Variants in BTC observed in about 807,000 individuals in gnomAD.
The protein encoded by BTC is probetacellulin.
A neutral mutation model predicts 18.1 loss-of-function variants in BTC; 13 were observed. That is an observed-to-expected ratio of 0.72 (90% CI 0.47 to 1.14). BTC has a LOEUF of 1.14. BTC is among the 50% of genes most tolerant of loss of function. The pLI, the probability that BTC is intolerant of heterozygous loss-of-function variation, is 0.00. For missense variants in BTC, 247 were observed against 224.2 expected (o/e 1.10, Z -0.65); for synonymous variants, 83 against 79.4 (o/e 1.05, Z -0.24).
intron 1 of BTC, among the ~76,000 whole-genome samples, chr4:74,791,653 C>A (rs971451991): frequency 1.3e-5 from 2 of 152,126 alleles, no homozygotes; most frequent in Non-Finnish European, 2.9e-5. Flanking sequence ...AAAGTAGTAC[C>A]TAATTTGCAT....
chr4:74,777,130 T>C lies in BTC; in HGVS notation c.65-6974A>G, dbSNP rs116709271. On this transcript the variant is annotated intron_variant, in intron 1 of 5. Coordinates refer to ENST00000395743, the MANE Select transcript of BTC (RefSeq NM_001729.4). ...AGGCAGCTTTAGGGTCAGATGGAGC[T>C]GTTTTTGAATCCTAGATCTACCTTT... Among the ~76,000 whole-genome samples, 597 of 152,288 alleles carry C rather than the reference T, an allele frequency of 3.9e-3. 6 individuals carry two copies. Among genetic ancestry groups the C allele is most frequent in the African/African-American group, 0.014 (567 of 41,560 alleles).
At chr4:74,782,689 A>G (rs146134644) in intron 1 of BTC, among the ~76,000 whole-genome samples, 132 of 152,260 alleles carry the variant, frequency 8.7e-4, no homozygotes, top group African/African-American at 3.0e-3. Context: ...GTCTTCCACA[A>G]TGGTTAAACC....
chr4:74,755,808 C>T (rs781950020), intron 3 of BTC, 51 bp downstream of exon 3: 19 of 1,521,406 alleles, frequency 1.2e-5, no homozygotes, highest in Admixed American at 1.0e-4. Flanking sequence ...AAGACCCAGG[C>T]GGGCACCATT....
chr4:74,748,419 C>CT (rs1724353187), intron 4 of BTC, among the ~76,000 whole-genome samples: 1 of 151,872 alleles, frequency 6.6e-6, no homozygotes, highest in Non-Finnish European at 1.5e-5. Flanking sequence ...GCCTGTAGTC[C>CT]CAGCTACTCG....
intron 1 of BTC, among the ~76,000 whole-genome samples, chr4:74,778,347 G>T (rs1351779454): frequency 6.6e-6 from 1 of 152,134 alleles, no homozygotes; most frequent in Non-Finnish European, 1.5e-5. Context: ...CTCAATCTGG[G>T]TTTCCTAGAA....
intron 4 of BTC, among the ~76,000 whole-genome samples, chr4:74,749,700 G>T (rs71605426): frequency 0.54 from 51,869 of 96,580 alleles, 14,700 homozygotes; most frequent in Non-Finnish European, 0.64. Flanking sequence ...TGTTGTTGTT[G>T]TTGTTGTTGT....
At chr4:74,773,638 G>A (rs946275599) in intron 1 of BTC, among the ~76,000 whole-genome samples, 1 of 149,430 alleles carries the variant, frequency 6.7e-6, no homozygotes, top group Non-Finnish European at 1.5e-5. Flanking sequence ...TTTAGACAGA[G>A]TCTCACTCTG....
chr4:74,750,717 C>T lies in BTC; in HGVS notation c.284G>A (p.Cys95Tyr). Residue 95 changes from cysteine (C) to tyrosine (Y), a missense_variant and splice_region_variant, in exon 4 of 6, where the codon TGT becomes TAT. Transcript: ENST00000395743. ...VVAEQTPSCV[C>Y]DEGYIGARCE... ...CCTTGCTCCAATGTAGCCTTCATCA[C>T]AGCTATAAAACAAGACGAGGGCAAG... The T allele has an allele frequency of 6.2e-7, 1 of 1,612,836 alleles. No individual in the cohort carries two copies. Among genetic ancestry groups the T allele is most frequent in the Non-Finnish European group, 8.5e-7 (1 of 1,179,718 alleles).
intron 3 of BTC, among the ~76,000 whole-genome samples, chr4:74,751,728 G>A (rs1369089399): frequency 1.3e-5 from 2 of 152,146 alleles, no homozygotes; most frequent in African/African-American, 2.4e-5. Flanking sequence ...AACTGCATCA[G>A]AGAATTAAGG....
In BTC at chr4:74,785,129, C is replaced by CAA. The variant is rs1198204650; in HGVS notation, c.64+9131_64+9132dup. On this transcript the variant is annotated intron_variant, in intron 1 of 5. Transcript: ENST00000395743. ...CTCATTATTGGTCTGTTCAGGGATT[C>CAA]AATTTCTTCCTGAGTTAGTCTTGAG... Among the ~76,000 whole-genome samples the CAA allele has an allele frequency of 6.6e-5, 10 of 152,166 alleles. No individual in the cohort carries two copies. In the East Asian group the frequency reaches 1.7e-3, roughly 26 times the overall value.
intron 3 of BTC, among the ~76,000 whole-genome samples, chr4:74,754,583 T>C (rs1724548127): frequency 1.3e-5 from 2 of 152,164 alleles, no homozygotes; most frequent in Non-Finnish European, 2.9e-5. Context: ...CAAGAAGAGC[T>C]TATATAATAA....
At chr4:74,769,400 A>G (rs1724982651) in intron 2 of BTC, among the ~76,000 whole-genome samples, 1 of 152,106 alleles carries the variant, frequency 6.6e-6, no homozygotes, top group Non-Finnish European at 1.5e-5. Context: ...GTTTTACTGA[A>G]ACAGAGCCAA....
intron 5 of BTC, among the ~76,000 whole-genome samples, chr4:74,747,661 A>AGTAACAGTGCTTGGCATTGT (rs1471091248): frequency 6.6e-6 from 1 of 152,172 alleles, no homozygotes; most frequent in Non-Finnish European, 1.5e-5. Context: ...ACATTTAAAG[A>AGTAACAGTGCTTGGCATTGT]GCTTGTAACA....
At chr4:74,752,404 G>C (rs112725036) in intron 3 of BTC, among the ~76,000 whole-genome samples, 1 of 148,080 alleles carries the variant, frequency 6.8e-6, no homozygotes, top group Non-Finnish European at 1.5e-5. Context: ...TTTTGAGACG[G>C]TGTCTCGCTC....
intron 2 of BTC, among the ~76,000 whole-genome samples, chr4:74,763,228 AT>A (rs1199044098): frequency 6.6e-6 from 1 of 152,198 alleles, no homozygotes; most frequent in African/African-American, 2.4e-5. Context: ...TTATTGTGAT[AT>A]TTAAGCAAAG....
intron 1 of BTC, among the ~76,000 whole-genome samples, chr4:74,789,847 T>C (rs1427030535): frequency 6.6e-6 from 1 of 152,238 alleles, no homozygotes; most frequent in Non-Finnish European, 1.5e-5. Context: ...AATTACCTTC[T>C]AAATATTTTA....
chr4:74,751,642 C>G (rs1256969453), intron 3 of BTC, among the ~76,000 whole-genome samples: 1 of 152,070 alleles, frequency 6.6e-6, no homozygotes, highest in Admixed American at 6.6e-5. Context: ...TCCACTTGAC[C>G]AAGCTGGGGC....
chr4:74,794,163 C>T, intron 1 of BTC, 99 bp downstream of exon 1: 1 of 1,459,058 alleles, frequency 6.9e-7, no homozygotes, highest in Non-Finnish European at 9.3e-7. Flanking sequence ...CCCAGCGCGC[C>T]CTCTTGTCCA....
intron 2 of BTC, among the ~76,000 whole-genome samples, chr4:74,757,028 C>G (rs1724619554): frequency 6.6e-6 from 1 of 152,160 alleles, no homozygotes; most frequent in Non-Finnish European, 1.5e-5. Context: ...CAGCTCCAGC[C>G]CAGGGTCAAA....
Sources: allele counts gnomAD v4.1 joint callset (sites outside exome capture counted in the v4.1 genomes callset), GRCh38; gene constraint gnomAD v4.1.1; transcripts MANE v1.5; gene names NCBI Gene and HGNC (gene_info 2026-07-23, HGNC 2026-07-21).